The following TMEM132C variants were observed in gnomAD, a reference collection of about 807,000 sequenced individuals.
The protein encoded by TMEM132C is protein phosphatase 1, regulatory subunit 152.
A neutral mutation model predicts 61.4 loss-of-function variants in TMEM132C; 29 were observed. The ratio of observed to expected loss-of-function variants is 0.47; its 90% CI spans 0.35 to 0.64. TMEM132C has a LOEUF of 0.64. TMEM132C is among the 30% of genes least tolerant of loss of function. The pLI, the probability that TMEM132C is intolerant of heterozygous loss-of-function variation, is 0.00. For missense variants in TMEM132C, 1,408 were observed against 1,476.9 expected (o/e 0.95, Z 0.76); for synonymous variants, 656 against 633.1 (o/e 1.04, Z -0.54).
intron 3 of TMEM132C, among the ~76,000 whole-genome samples, chr12:128,582,863 C>T (rs1023387838): frequency 6.6e-6 from 1 of 152,160 alleles, no homozygotes; most frequent in Non-Finnish European, 1.5e-5. Context: ...CAGCCTCAAA[C>T]TCCTGGGCTC....
chr12:128,675,577 T>C (rs1168066370), intron 5 of TMEM132C, among the ~76,000 whole-genome samples: 1 of 152,212 alleles, frequency 6.6e-6, no homozygotes, highest in African/African-American at 2.4e-5. Context: ...GTTCTACTGT[T>C]GTCAATATTT....
chr12:128,501,834 C>G (rs1872191846), intron 2 of TMEM132C, among the ~76,000 whole-genome samples: 1 of 152,158 alleles, frequency 6.6e-6, no homozygotes, highest in Admixed American at 6.6e-5. Context: ...GGAAAGAAAC[C>G]TGTTAAACCT....
At chr12:128,592,059 G>A (rs199963063) in intron 3 of TMEM132C, among the ~76,000 whole-genome samples, 1,794 of 125,012 alleles carry the variant, frequency 0.014, 2 homozygotes, top group Middle Eastern at 0.034. Context: ...AAAAAAAAAA[G>A]AAAAAAAAAA....
At chr12:128,635,937 C>T (rs906552854) in intron 4 of TMEM132C, among the ~76,000 whole-genome samples, 3 of 152,128 alleles carry the variant, frequency 2.0e-5, no homozygotes, top group African/African-American at 7.2e-5. Flanking sequence ...TCGGAGAGCC[C>T]CAGAAGTCGG....
chr12:128,542,838 C>A (rs534058378), intron 2 of TMEM132C, among the ~76,000 whole-genome samples: 2 of 129,368 alleles, frequency 1.5e-5, no homozygotes, highest in African/African-American at 6.0e-5. Flanking sequence ...TCCAGCCTAG[C>A]GACAGAACAA....
At chr12:128,598,045 C>T (rs542905368) in intron 3 of TMEM132C, among the ~76,000 whole-genome samples, 148 of 152,320 alleles carry the variant, frequency 9.7e-4, no homozygotes, top group Middle Eastern at 6.8e-3. Context: ...GTCCTCCTAA[C>T]GTGACAGCTT....
At chr12:128,579,167 C>T (rs773728145) in intron 3 of TMEM132C, among the ~76,000 whole-genome samples, 6 of 152,170 alleles carry the variant, frequency 3.9e-5, no homozygotes, top group Non-Finnish European at 8.8e-5. Flanking sequence ...CCTGAAGGAG[C>T]CTCCTTAGCC....
chr12:128,656,612 A>G (rs748318449), intron 4 of TMEM132C, among the ~76,000 whole-genome samples: 4 of 152,208 alleles, frequency 2.6e-5, no homozygotes, highest in Non-Finnish European at 5.9e-5. Context: ...TGCCCCACCA[A>G]CCTTCAGAGT....
intron 2 of TMEM132C, among the ~76,000 whole-genome samples, chr12:128,432,158 C>T (rs1343281777): frequency 6.6e-6 from 1 of 152,206 alleles, no homozygotes; most frequent in African/African-American, 2.4e-5. Context: ...CCCAAGAGTT[C>T]TGATGGATAT....
At chr12:128,459,339 A>T (rs189440435) in intron 2 of TMEM132C, among the ~76,000 whole-genome samples, 1 of 152,168 alleles carries the variant, frequency 6.6e-6, no homozygotes, top group African/African-American at 2.4e-5. Context: ...GGAGCCTGGT[A>T]CCCATGCTGA....
In TMEM132C at chr12:128,516,664, C is replaced by T. The variant is rs139262474; in HGVS notation, c.975-27293C>T. 1.4e-4 allele frequency among the ~76,000 whole-genome samples: 22 copies of T among 152,166 alleles called. 1 individual carries two copies. The highest frequency in any genetic ancestry group is 5.1e-4 in the African/African-American group (21 of 41,510). The stretch of plus-strand genomic sequence containing the variant: ...TGGTGGCTCACACCTATAATCCCTA[C>T]ACTTTGTGAAGCCAAGGTGGGAGGA... On this transcript the variant is annotated intron_variant, in intron 2 of 8. Transcript: ENST00000435159.
intron 2 of TMEM132C, among the ~76,000 whole-genome samples, chr12:128,469,145 C>T (rs1366980210): frequency 3.3e-5 from 5 of 152,154 alleles, no homozygotes; most frequent in Admixed American, 2.6e-4. Context: ...ACATTTCTCT[C>T]TGATTTCCTA....
In TMEM132C at chr12:128,661,783, A is replaced by C. The variant is rs528154901; in HGVS notation, c.1306-7634A>C. Among the ~76,000 whole-genome samples the C allele has an allele frequency of 3.9e-5, 6 of 152,362 alleles. No individual in the cohort carries two copies. In the South Asian group the frequency reaches 1.2e-3, roughly 32 times the overall value. On this transcript the variant is annotated intron_variant, in intron 4 of 8. Transcript: ENST00000435159. The stretch of plus-strand genomic sequence containing the variant: ...AAATGCTCCAGCTATACAAACAGGG[A>C]TAGATCATAAAAACATAATGTTGAG...
At chr12:128,585,111 G>T (rs982653367) in intron 3 of TMEM132C, among the ~76,000 whole-genome samples, 1 of 152,204 alleles carries the variant, frequency 6.6e-6, no homozygotes, top group African/African-American at 2.4e-5. Flanking sequence ...ACTTGCAGCC[G>T]TGAAACGTCT....
chr12:128,381,272 A>G (rs1204787766), intron 1 of TMEM132C, among the ~76,000 whole-genome samples: 1 of 152,196 alleles, frequency 6.6e-6, no homozygotes, highest in Non-Finnish European at 1.5e-5. Flanking sequence ...GACTTTAGCT[A>G]GTAGGTGGAT....
intron 5 of TMEM132C, among the ~76,000 whole-genome samples, chr12:128,685,584 G>A (rs932178845): frequency 7.0e-6 from 1 of 143,092 alleles, no homozygotes; most frequent in Non-Finnish European, 1.6e-5. Context: ...GTCCAAGCTT[G>A]GACTGGTCCA....
At chr12:128,629,409 T>C (rs779624192) in intron 4 of TMEM132C, among the ~76,000 whole-genome samples, 1 of 152,084 alleles carries the variant, frequency 6.6e-6, no homozygotes, top group Non-Finnish European at 1.5e-5. Flanking sequence ...AGGTTGAGGC[T>C]ACAGTGAGCC....
chr12:128,301,818 A>G (rs1337912194), intron 1 of TMEM132C, among the ~76,000 whole-genome samples: 1 of 152,210 alleles, frequency 6.6e-6, no homozygotes, highest in Non-Finnish European at 1.5e-5. Flanking sequence ...ATTTATAAAG[A>G]AAAAGAGGTT....
chr12:128,601,943 GTTTTC>G (rs1876209567), intron 3 of TMEM132C, among the ~76,000 whole-genome samples: 1 of 152,128 alleles, frequency 6.6e-6, no homozygotes, highest in Admixed American at 6.5e-5. Context: ...GATATTCACA[GTTTTC>G]TTTTCTGTGA....
Sources: gnomAD v4.1 joint callset for allele counts (sites outside exome capture counted in the v4.1 genomes callset) on GRCh38, gnomAD v4.1.1 for gene constraint, MANE v1.5 for transcripts, NCBI Gene and HGNC (gene_info 2026-07-23, HGNC 2026-07-21) for gene names.